The following KDM6A variants were observed in gnomAD, a reference collection of about 807,000 sequenced individuals.
KDM6A encodes lysine demethylase 6A.
KDM6A carries 11 observed loss-of-function variants against 117.6 expected under a neutral mutation model. The observed-to-expected ratio is 0.09, with a 90% CI of 0.06 to 0.15. The LOEUF is 0.15. KDM6A is among the 10% of genes least tolerant of loss of function. The probability of loss-of-function intolerance (pLI) is 1.00; values close to 1 mark genes in which losing one functional copy is unlikely to be tolerated. For synonymous variants in KDM6A, 384 were observed against 396.1 expected, an observed-to-expected ratio of 0.97 and a Z score of 0.36; for missense variants, 799 against 1,077.3, an observed-to-expected ratio of 0.74 and a Z score of 3.62.
intron 2 of KDM6A, among the ~76,000 whole-genome samples, chrX:44,913,298 G>GTTT (rs11449898): frequency 1.5e-4 from 13 of 86,474 alleles, no homozygotes; most frequent in African/African-American, 2.6e-4. Context: ...TGTGTTAACT[G>GTTT]TTTTTTTTTT....
intron 21 of KDM6A, among the ~76,000 whole-genome samples, chrX:45,079,702 C>G (rs2045312413): frequency 9.0e-6 from 1 of 111,651 alleles, no homozygotes; most frequent in African/African-American, 3.3e-5. Context: ...TGCTACCACG[C>G]CCAGCTAACT....
At position 45,111,474 on chromosome X, in the gene KDM6A, C is replaced by T; in HGVS notation, c.*63C>T. The T allele has an allele frequency of 1.0e-6, 1 of 969,686 alleles. No homozygotes were observed. Among genetic ancestry groups the T allele is most frequent in the Non-Finnish European group, 1.5e-6 (1 of 676,308 alleles). 79.9% of individuals were successfully genotyped at this position (969,686 alleles called of 1,213,427 possible). A position where few individuals can be genotyped will look rare whatever the true frequency, so the allele number is the denominator to read the frequency against. ...ATTCAGGAAATAACCCAGTTCTGCA[C>T]CACTGGTTTTTGTAGCTATCTCGTA... On this transcript the variant is annotated 3_prime_UTR_variant, in exon 30 of 30. Coordinates refer to ENST00000611820, the MANE Select transcript of KDM6A (RefSeq NM_001291415.2).
chrX:45,096,278 T>C (rs186460175), intron 27 of KDM6A, among the ~76,000 whole-genome samples: 43 of 111,678 alleles, frequency 3.9e-4, no homozygotes, highest in African/African-American at 1.3e-3. Flanking sequence ...CCAAAAAGAA[T>C]GTAAGCAAAA....
In KDM6A at chrX:44,878,004, T is replaced by A. The variant is rs899730769; in HGVS notation, c.225+4017T>A. The stretch of plus-strand genomic sequence containing the variant: ...AGGTCAGTTCTAGAGGTGGCTTTTT[T>A]AAATTGTAATATTTGGATGTTGATT... On this transcript the variant is annotated intron_variant, in intron 2 of 29. Coordinates refer to ENST00000611820, the MANE Select transcript of KDM6A (RefSeq NM_001291415.2). 1.1e-4 allele frequency among the ~76,000 whole-genome samples: 12 copies of A among 111,629 alleles called. No individual in the cohort carries two copies. In the South Asian group the frequency reaches 1.1e-3, roughly 10 times the overall value.
At chrX:44,881,686 T>A (rs1401833559) in intron 2 of KDM6A, among the ~76,000 whole-genome samples, 3 of 110,563 alleles carry the variant, frequency 2.7e-5, no homozygotes, top group African/African-American at 9.8e-5. Flanking sequence ...TGGTACTATT[T>A]TGTCTTTTTT....
At chrX:44,905,186 A>C (rs1201249878) in intron 2 of KDM6A, among the ~76,000 whole-genome samples, 1 of 112,308 alleles carries the variant, frequency 8.9e-6, no homozygotes, top group African/African-American at 3.2e-5. Flanking sequence ...CACATACTAC[A>C]TACATTAACA....
At chrX:45,106,321 A>G (rs1331851528) in intron 27 of KDM6A, among the ~76,000 whole-genome samples, 1 of 111,773 alleles carries the variant, frequency 8.9e-6, no homozygotes, top group Non-Finnish European at 1.9e-5. Context: ...ATACATAACA[A>G]TACTTTAACA....
chrX:44,987,185 C>G (rs1569504963), intron 4 of KDM6A, among the ~76,000 whole-genome samples: 1 of 111,506 alleles, frequency 9.0e-6, no homozygotes, highest in Admixed American at 9.5e-5. Flanking sequence ...CTCTTTTGAT[C>G]TTTGTTGGTT....
Position 45,069,710 on chromosome X carries a change from G to A in KDM6A, c.2211G>A (p.Leu737=), listed in dbSNP as rs763503276. The A allele has an allele frequency of 8.3e-7, 1 of 1,209,861 alleles. No individual in the cohort carries two copies. Among genetic ancestry groups the A allele is most frequent in the Non-Finnish European group, 1.1e-6 (1 of 894,670 alleles). The part of the protein sequence containing the change: ...GIQNQNGHPT[L]PSNSVTQGAA... ...AGAATCAGAACGGACATCCCACCCT[G>A]CCTAGCAATTCAGTAACACAGGGGG... is the stretch of plus-strand genomic sequence containing the variant. The change falls in exon 18 of 30, where the codon CTG becomes CTA. Residue 737 remains leucine (L), a synonymous_variant. Transcript: ENST00000611820.
intron 4 of KDM6A, among the ~76,000 whole-genome samples, chrX:44,995,334 T>C (rs778551502): frequency 9.0e-6 from 1 of 111,573 alleles, no homozygotes; most frequent in African/African-American, 3.3e-5. Flanking sequence ...TTTTAAAATA[T>C]GTCATCTAAT....
intron 25 of KDM6A, 118 bp downstream of exon 25, chrX:45,086,097 C>T (rs2045628265): frequency 1.0e-5 from 5 of 482,593 alleles, no homozygotes; most frequent in African/African-American, 2.4e-5. Context: ...TACCATTCAG[C>T]GAAGAATTCA....
chrX:44,969,026 TATAAAC>T (rs1302027120), intron 3 of KDM6A, among the ~76,000 whole-genome samples: 1 of 109,611 alleles, frequency 9.1e-6, no homozygotes, highest in Non-Finnish European at 1.9e-5. Context: ...ATAGCAAAAT[TATAAAC>T]AGAAATTACG....
intron 2 of KDM6A, among the ~76,000 whole-genome samples, chrX:44,928,038 G>A (rs745920025): frequency 9.0e-6 from 1 of 111,131 alleles, no homozygotes; most frequent in Non-Finnish European, 1.9e-5. Flanking sequence ...AAAAGCCTAG[G>A]GGACTATAAA....
At position 44,922,027 on chromosome X, in the gene KDM6A, CCTTTTTTTTTTTTTTT is replaced by C. The variant is rs1242783457; in HGVS notation, c.226-39256_226-39241del. 3.0e-3 allele frequency among the ~76,000 whole-genome samples: 115 copies of C among 37,712 alleles called. 6 individuals are homozygous for C. Among genetic ancestry groups the C allele is most frequent in the East Asian group, 0.026 (15 of 588 alleles). The allele number at this position is 37,712 out of a possible 115,157, so 32.7% of individuals were successfully genotyped here. A position where few individuals can be genotyped will look rare whatever the true frequency, so the allele number is the denominator to read the frequency against. On this transcript the variant is annotated intron_variant, in intron 2 of 29. Coordinates refer to ENST00000611820, the MANE Select transcript of KDM6A (RefSeq NM_001291415.2). ...ATGCTGATAAAATTCATTGTGTGTG[CCTTTTTTTTTTTTTTT>C]TTTTTTTTTTTTTTTTTTTTTAAGA...
chrX:44,881,098 T>A (rs1233884432), intron 2 of KDM6A, among the ~76,000 whole-genome samples: 1 of 112,359 alleles, frequency 8.9e-6, no homozygotes, highest in African/African-American at 3.2e-5. Context: ...GACTTTATTT[T>A]GAGTCTGATT....
intron 2 of KDM6A, among the ~76,000 whole-genome samples, chrX:44,912,805 ACT>A (rs2035293209): frequency 9.0e-6 from 1 of 110,982 alleles, no homozygotes; most frequent in Admixed American, 9.5e-5. Context: ...ATTGTCACAC[ACT>A]CTCTCTGCAC....
At chrX:45,046,728 G>A (rs994087825) in intron 8 of KDM6A, among the ~76,000 whole-genome samples, 1 of 111,501 alleles carries the variant, frequency 9.0e-6, no homozygotes, top group Non-Finnish European at 1.9e-5. Flanking sequence ...AAACGGGTGG[G>A]AGGATTGTGT....
rs909452053 is a variant in KDM6A, at chrX:45,079,083, G to T, written c.3095-63G>T. The stretch of plus-strand genomic sequence containing the variant: ...TACCTTCTTCCTTTAAAAAAAAAAA[G>T]CACTTAAAATATTATCCCAAATATA... On this transcript the variant is annotated intron_variant, in intron 20 of 29. Transcript: ENST00000611820. 1.1e-5 allele frequency: 10 copies of T among 905,075 alleles called. No homozygotes were observed. In the Admixed American group the frequency reaches 1.1e-4, roughly 10 times the overall value. 74.6% of individuals were successfully genotyped at this position (905,075 alleles called of 1,213,427 possible). A position where few individuals can be genotyped will look rare whatever the true frequency, so the allele number is the denominator to read the frequency against.
intron 2 of KDM6A, among the ~76,000 whole-genome samples, chrX:44,902,843 A>G (rs933291085): frequency 3.6e-5 from 4 of 112,109 alleles, no homozygotes; most frequent in Non-Finnish European, 7.5e-5. Context: ...TTTAGCATCT[A>G]GTGAAGGCTA....
Sources: allele counts gnomAD v4.1 joint callset (sites outside exome capture counted in the v4.1 genomes callset), GRCh38; gene constraint gnomAD v4.1.1; transcripts MANE v1.5; gene names NCBI Gene and HGNC (gene_info 2026-07-23, HGNC 2026-07-21).